RNF214: variants seen among roughly 807,000 people sequenced by gnomAD.
RNF214 encodes ring finger protein 214.
Under a neutral mutation model 75.9 loss-of-function variants are expected in RNF214, and 25 were observed. That is an observed-to-expected ratio of 0.33 (90% CI 0.24 to 0.46). RNF214 has a LOEUF of 0.46. Among genes scored for constraint, RNF214 ranks in the 20% least tolerant of loss-of-function variants. The probability of loss-of-function intolerance (pLI) is 1.00; values close to 1 mark genes in which losing one functional copy is unlikely to be tolerated. For synonymous variants in RNF214, 314 were observed against 308.8 expected (o/e 1.02, Z -0.18); for missense variants, 725 against 857.5 (o/e 0.85, Z 1.93).
chr11:117,281,745 C>A, intron 10 of RNF214, 47 bp downstream of exon 10: 1 of 1,528,048 alleles, frequency 6.5e-7, no homozygotes, highest in Non-Finnish European at 9.1e-7. Flanking sequence ...GTGTTGGTAG[C>A]AGCAGCAGAG....
intron 13 of RNF214, 27 bp from the exon 14 acceptor site, chr11:117,283,088 T>A (rs773268868): frequency 1.3e-6 from 2 of 1,557,378 alleles, no homozygotes; most frequent in Non-Finnish European, 1.8e-6. Context: ...TTCCTTACCT[T>A]TTGATCATGC....
chr11:117,284,744 A>C (rs953339886), intron 14 of RNF214, among the ~76,000 whole-genome samples: 3 of 152,090 alleles, frequency 2.0e-5, no homozygotes, highest in African/African-American at 7.2e-5. Flanking sequence ...AGCCTGGCCA[A>C]CAAAGTGAAA....
intron 6 of RNF214, among the ~76,000 whole-genome samples, chr11:117,273,798 C>T (rs891070944): frequency 2.0e-5 from 3 of 152,122 alleles, no homozygotes; most frequent in African/African-American, 7.2e-5. Context: ...ATGAAATCAT[C>T]AAGATGTGGA....
At chr11:117,258,956 A>T (rs556549867) in intron 6 of RNF214, among the ~76,000 whole-genome samples, 16 of 152,052 alleles carry the variant, frequency 1.1e-4, no homozygotes, top group Non-Finnish European at 2.1e-4. Flanking sequence ...ATTCTATTTT[A>T]TTTTATTTAT....
In RNF214 at chr11:117,247,977, T is replaced by A. The variant is rs117654163; in HGVS notation, c.959+1029T>A. ...TTCAAACAGTAACATTGTAAGCTGT[T>A]TGTGAAAGAATTATTTAGAGGATTT... On this transcript the variant is annotated intron_variant, in intron 6 of 14. Transcript: ENST00000300650. Among the ~76,000 whole-genome samples, 168 of 152,328 alleles carry A rather than the reference T, an allele frequency of 1.1e-3. 4 individuals are homozygous for A. In the East Asian group the frequency reaches 0.027, roughly 24 times the overall value.
rs759632981 is a variant in RNF214, at chr11:117,280,299, G to T, written c.1145+40G>T. The T allele has an allele frequency of 3.5e-6, 4 of 1,158,144 alleles. No homozygotes were observed. In the Admixed American group the frequency reaches 7.8e-5, roughly 22 times the overall value. The allele number at this position is 1,158,144 out of a possible 1,614,324, so 71.7% of individuals were successfully genotyped here. A position where few individuals can be genotyped will look rare whatever the true frequency, so the allele number is the denominator to read the frequency against. The stretch of plus-strand genomic sequence containing the variant: ...GTTCTAGAGCTTTAATTGTTTTGCA[G>T]TTTGTTTGTTTGTTTGTTTAGGTTT... On this transcript the variant is annotated intron_variant, in intron 8 of 14. Transcript: ENST00000300650.
intron 6 of RNF214, among the ~76,000 whole-genome samples, chr11:117,262,706 G>GTT (rs926175557): frequency 4.0e-5 from 3 of 74,932 alleles, no homozygotes; most frequent in African/African-American, 7.5e-5. Context: ...ATTGAGGAAC[G>GTT]TTGTGTGTGT....
rs377618394 is a variant in RNF214, at chr11:117,239,823, C to T, written c.641C>T (p.Ser214Leu). 14 of 1,564,516 alleles carry T rather than the reference C, an allele frequency of 8.9e-6. 1 individual carries two copies. In the African/African-American group the frequency reaches 1.9e-4, roughly 21 times the overall value. ...AVQTDFKTAD[S>L]EVNTDQDIEK... The stretch of plus-strand genomic sequence containing the variant: ...TAGACTGACTTTAAGACAGCTGATT[C>T]AGAGGTAAACACAGATCAAGATATT... The change falls in exon 4 of 15, where the codon TCA (serine) becomes TTA (leucine). Residue 214 changes from serine (S) to leucine (L), a missense_variant. By Grantham distance (145) the Ser-to-Leu change is moderately radical. Coordinates refer to ENST00000300650, the MANE Select transcript of RNF214 (RefSeq NM_207343.4).
Position 117,244,367 on chromosome 11 carries a change from A to G in RNF214, c.679-78A>G, listed in dbSNP as rs145192677. 1,736 of 1,240,556 alleles carry G rather than the reference A, an allele frequency of 1.4e-3. 25 individuals carry two copies. In the African/African-American group the frequency reaches 0.022, roughly 16 times the overall value. 76.8% of individuals were successfully genotyped at this position (1,240,556 alleles called of 1,614,324 possible). ...ATAGTGCGGTCATAGAGCTCTATAC[A>G]ATGCCTTGGACAGGCACTGGTGAAT... On this transcript the variant is annotated intron_variant, in intron 4 of 14. Coordinates refer to ENST00000300650, the MANE Select transcript of RNF214 (RefSeq NM_207343.4).
At chr11:117,251,468 G>A (rs562373255) in intron 6 of RNF214, among the ~76,000 whole-genome samples, 19 of 68,018 alleles carry the variant, frequency 2.8e-4, no homozygotes, top group East Asian at 2.5e-3. Flanking sequence ...GCGGCTGGCC[G>A]GGCGGGGGGC....
chr11:117,262,526 T>C (rs61903663), intron 6 of RNF214, among the ~76,000 whole-genome samples: 12,303 of 152,192 alleles, frequency 0.081, 660 homozygotes, highest in Middle Eastern at 0.13. Context: ...ACTACAGGCA[T>C]GTGCCACCAT....
At chr11:117,274,830 TG>T (rs1211062385) in intron 6 of RNF214, among the ~76,000 whole-genome samples, 1 of 151,950 alleles carries the variant, frequency 6.6e-6, no homozygotes, top group Non-Finnish European at 1.5e-5. Context: ...CCATGATGTC[TG>T]GCTAATTTTT....
At chr11:117,281,468 G>A in intron 9 of RNF214, 64 bp downstream of exon 9, 1 of 1,437,982 alleles carries the variant, frequency 7.0e-7, no homozygotes, top group Non-Finnish European at 9.8e-7. Context: ...TCCAGCAATT[G>A]GGAGGTAGCC....
intron 1 of RNF214, among the ~76,000 whole-genome samples, chr11:117,232,992 G>C (rs1352611499): frequency 1.3e-5 from 2 of 152,116 alleles, no homozygotes; most frequent in East Asian, 3.9e-4. Flanking sequence ...CCTGTGGGGG[G>C]TGGCCAAGGC....
intron 6 of RNF214, among the ~76,000 whole-genome samples, chr11:117,248,176 C>T (rs1225208896): frequency 2.6e-5 from 4 of 152,016 alleles, no homozygotes; most frequent in Admixed American, 6.6e-5. Flanking sequence ...CCCGGGTTCA[C>T]GCCATTCTCC....
At chr11:117,249,698 G>A (rs1480229430) in intron 6 of RNF214, among the ~76,000 whole-genome samples, 1 of 152,204 alleles carries the variant, frequency 6.6e-6, no homozygotes, top group Non-Finnish European at 1.5e-5. Flanking sequence ...TTGGTTTCTG[G>A]TGAGAATCTT....
intron 6 of RNF214, among the ~76,000 whole-genome samples, chr11:117,259,408 T>C (rs952538874): frequency 5.3e-5 from 8 of 152,220 alleles, no homozygotes; most frequent in African/African-American, 1.4e-4. Flanking sequence ...TTCAAACATA[T>C]TCTTTTATTT....
intron 6 of RNF214, among the ~76,000 whole-genome samples, chr11:117,259,483 GAA>G (rs1429414911): frequency 1.3e-5 from 2 of 152,182 alleles, no homozygotes; most frequent in East Asian, 3.8e-4. Flanking sequence ...AGTTTTATAA[GAA>G]ATGGCCAGAT....
chr11:117,246,765 T>G (rs181757617), intron 5 of RNF214, 44 bp from the exon 6 acceptor site: 1 of 1,475,184 alleles, frequency 6.8e-7, no homozygotes, highest in Non-Finnish European at 9.0e-7. Context: ...AACTAACTTA[T>G]TTTCTTTTTT....
Sources: gnomAD v4.1 joint callset for allele counts (sites outside exome capture counted in the v4.1 genomes callset) on GRCh38, gnomAD v4.1.1 for gene constraint, MANE v1.5 for transcripts, NCBI Gene and HGNC (gene_info 2026-07-23, HGNC 2026-07-21) for gene names.